Variants in KCND3 observed in about 807,000 individuals in gnomAD.
KCND3 encodes the protein potassium voltage-gated channel subfamily D member 3.
In KCND3, 9 loss-of-function variants were observed where a neutral mutation model predicts 51.1. The ratio of observed to expected loss-of-function variants is 0.18; its 90% CI spans 0.11 to 0.31. KCND3 has a LOEUF of 0.31. Among genes scored for constraint, KCND3 ranks in the 10% least tolerant of loss-of-function variants. The pLI is 1.00. For synonymous variants in KCND3, 349 were observed against 368.0 expected (o/e 0.95, Z 0.59); for missense variants, 526 against 903.8 (o/e 0.58, Z 5.36).
At chr1:111,920,142 T>C (rs1019232288) in intron 2 of KCND3, among the ~76,000 whole-genome samples, 4 of 152,120 alleles carry the variant, frequency 2.6e-5, no homozygotes, top group Non-Finnish European at 5.9e-5. Flanking sequence ...GTAGACAAAA[T>C]GGAGGCCTCC....
intron 2 of KCND3, among the ~76,000 whole-genome samples, chr1:111,883,331 T>G (rs1440662290): frequency 6.6e-6 from 1 of 152,242 alleles, no homozygotes. Context: ...ATACACAAGC[T>G]TACATTCTTA....
chr1:111,853,994 G>C (rs1416908492), intron 2 of KCND3: 1 of 152,214 alleles, frequency 6.6e-6, no homozygotes, highest in Non-Finnish European at 1.5e-5. Flanking sequence ...GTTCATATAA[G>C]GTAGATGTTT....
chr1:111,772,828 A>C lies in KCND3; in HGVS notation c.*3249T>G, dbSNP rs197419. ...GAATGGAATAGGTGGTTTTGGGAAT[A>C]TTTTATTATGTCAAAGTGGTTCATG... On this transcript the variant is annotated 3_prime_UTR_variant, in exon 8 of 8. Transcript: ENST00000302127. 0.5 allele frequency: 76,532 copies of C among 151,992 alleles called. 21,305 individuals are homozygous for C. The highest frequency in any genetic ancestry group is 0.76 in the African/African-American group (31,551 of 41,454). The allele number at this position is 151,992 out of a possible 1,614,324, so 9.4% of individuals were successfully genotyped here. A position where few individuals can be genotyped will look rare whatever the true frequency, so the allele number is the denominator to read the frequency against.
At position 111,834,714 on chromosome 1, in the gene KCND3, C is replaced by T. The variant is rs1276989654; in HGVS notation, c.1107-47608G>A. Among the ~76,000 whole-genome samples, 3 of 152,212 alleles carry T rather than the reference C, an allele frequency of 2.0e-5. No homozygotes were observed. In the East Asian group the frequency reaches 5.8e-4, roughly 29 times the overall value. ...CTCAGAATTAAGCCCAAATCTTTAACTCCCATACCTGGGTCCTCATTTTGC... is the reference window on the plus strand; with the variant it reads ...CTCAGAATTAAGCCCAAATCTTTAATTCCCATACCTGGGTCCTCATTTTGC... On this transcript the variant is annotated intron_variant, in intron 2 of 7. Coordinates refer to ENST00000302127, the MANE Select transcript of KCND3 (RefSeq NM_001378969.1).
intron 2 of KCND3, among the ~76,000 whole-genome samples, chr1:111,932,772 C>G (rs1672040567): frequency 6.6e-6 from 1 of 152,214 alleles, no homozygotes; most frequent in Non-Finnish European, 1.5e-5. Flanking sequence ...GAAGTCCCCA[C>G]TAGAAATTGC....
intron 2 of KCND3, among the ~76,000 whole-genome samples, chr1:111,901,775 C>T (rs1670394797): frequency 6.6e-6 from 1 of 152,118 alleles, no homozygotes; most frequent in African/African-American, 2.4e-5. Context: ...GGCTGGAGAA[C>T]CAGGTTGTCC....
At chr1:111,854,087 C>T (rs1667948128) in intron 2 of KCND3, 1 of 152,124 alleles carries the variant, frequency 6.6e-6, no homozygotes, top group Non-Finnish European at 1.5e-5. Context: ...ACATGGGGCC[C>T]CTCATGCTCC....
At chr1:111,926,990 A>G (rs1671731113) in intron 2 of KCND3, among the ~76,000 whole-genome samples, 1 of 152,092 alleles carries the variant, frequency 6.6e-6, no homozygotes, top group Non-Finnish European at 1.5e-5. Context: ...AACTGCTAGC[A>G]TTAACTGAGT....
At chr1:111,963,119 A>G (rs1018946733) in intron 2 of KCND3, among the ~76,000 whole-genome samples, 1 of 152,252 alleles carries the variant, frequency 6.6e-6, no homozygotes, top group African/African-American at 2.4e-5. Flanking sequence ...ATGACCAGGG[A>G]TATCAGCTAA....
intron 3 of KCND3, 77 bp downstream of exon 3, chr1:111,786,867 G>T: frequency 6.4e-7 from 1 of 1,553,684 alleles, no homozygotes; most frequent in Non-Finnish European, 8.9e-7. Context: ...CCTGTGAGGA[G>T]CTCTAGTCCT....
At chr1:111,988,416 C>T (rs540757078) in intron 1 of KCND3, among the ~76,000 whole-genome samples, 1 of 152,276 alleles carries the variant, frequency 6.6e-6, no homozygotes, top group South Asian at 2.1e-4. Context: ...AGCTACTAAC[C>T]TCTTTCTCTG....
chr1:111,857,120 A>T (rs948156645), intron 2 of KCND3, among the ~76,000 whole-genome samples: 2 of 152,140 alleles, frequency 1.3e-5, no homozygotes, highest in African/African-American at 2.4e-5. Context: ...TTCATTTACA[A>T]ATAGTAAGTG....
rs1675019720 is a variant in KCND3 at position 111,982,583 on chromosome 1, C to A, written c.144G>T (p.Gly48=). ...QDELIVLNVS[G]RRFQTWRTTL... ...TGGTCCTCCAGGTCTGGAACCTCCG[C>A]CCACTCACGTTGAGGACAATCAGCT... Residue 48 remains glycine, a synonymous_variant, in exon 2 of 8, where the codon GGG becomes GGT. Transcript: ENST00000302127. This position sits in a 1 kb window ranked among gnomAD's most constrained non-coding sequence, Gnocchi z 8.5. The A allele has an allele frequency of 6.2e-7, 1 of 1,612,894 alleles. No individual in the cohort carries two copies. The highest frequency in any genetic ancestry group is 8.5e-7 in the Non-Finnish European group (1 of 1,179,048).
intron 2 of KCND3, among the ~76,000 whole-genome samples, chr1:111,943,697 G>A (rs1295974553): frequency 6.6e-6 from 1 of 152,302 alleles, no homozygotes; most frequent in Non-Finnish European, 1.5e-5. Context: ...GTGAGAACAG[G>A]AGGCCATCCA....
chr1:111,965,632 T>C (rs758144139), intron 2 of KCND3, among the ~76,000 whole-genome samples: 4 of 152,140 alleles, frequency 2.6e-5, no homozygotes, highest in Non-Finnish European at 5.9e-5. Context: ...GTGATTTCTC[T>C]AAGTGGAACA....
chr1:111,902,993 T>A (rs1305185231), intron 2 of KCND3, among the ~76,000 whole-genome samples: 1 of 152,212 alleles, frequency 6.6e-6, no homozygotes, highest in Admixed American at 6.5e-5. Flanking sequence ...CATACATGTG[T>A]AAGTGTTTAC....
At chr1:111,934,535 A>T (rs1294893571) in intron 2 of KCND3, among the ~76,000 whole-genome samples, 2 of 152,204 alleles carry the variant, frequency 1.3e-5, no homozygotes, top group African/African-American at 4.8e-5. Flanking sequence ...TTGTAAATTA[A>T]TCCCAGACCA....
chr1:111,910,983 T>C (rs9429606), intron 2 of KCND3: 25,544 of 152,222 alleles, frequency 0.17, 2,956 homozygotes, highest in East Asian at 0.4. Flanking sequence ...AATAGACCTA[T>C]GGTTCTGGAT....
chr1:111,779,779 A>G (rs1487391238), intron 5 of KCND3, among the ~76,000 whole-genome samples: 3 of 152,218 alleles, frequency 2.0e-5, no homozygotes, highest in African/African-American at 7.2e-5. Flanking sequence ...CGCTGTCTGC[A>G]GGAGGATGTA....
Sources: gnomAD v4.1 joint callset for allele counts (sites outside exome capture counted in the v4.1 genomes callset) on GRCh38, gnomAD v4.1.1 for gene constraint, Gnocchi (gnomAD v3.1) non-coding constraint, MANE v1.5 for transcripts, NCBI Gene and HGNC (gene_info 2026-07-23, HGNC 2026-07-21) for gene names.